TENM4: variants seen among roughly 807,000 people sequenced by gnomAD.
TENM4 encodes teneurin-4.
TENM4 carries 82 observed loss-of-function variants against 243.3 expected under a neutral mutation model. The ratio of observed to expected loss-of-function variants is 0.34; its 90% CI spans 0.28 to 0.40. The LOEUF is 0.40. Ranked by LOEUF, TENM4 falls within the 10% of genes least tolerant of loss-of-function variation. The pLI is 1.00. For missense variants in TENM4, 3,138 were observed against 3,673.3 expected (o/e 0.85, Z 3.77); for synonymous variants, 1,412 against 1,456.3 (o/e 0.97, Z 0.69).
chr11:79,396,137 A>G (rs1386640088), intron 1 of TENM4, among the ~76,000 whole-genome samples: 9 of 152,038 alleles, frequency 5.9e-5, no homozygotes, highest in African/African-American at 2.2e-4. Context: ...CATTTTTAAG[A>G]CTCAGATGAA....
chr11:79,075,981 T>A (rs781576840), intron 4 of TENM4, among the ~76,000 whole-genome samples: 1 of 152,222 alleles, frequency 6.6e-6, no homozygotes, highest in Non-Finnish European at 1.5e-5. Flanking sequence ...CTAGGGACCA[T>A]CACCATCAGT....
At chr11:78,732,717 T>C in intron 20 of TENM4, 140 bp from the exon 21 acceptor site, 6 of 987,698 alleles carry the variant, frequency 6.1e-6, no homozygotes, top group Non-Finnish European at 8.6e-6. Context: ...AATGCCTAAA[T>C]ATTTGACTGC....
intron 4 of TENM4, among the ~76,000 whole-genome samples, chr11:79,102,691 C>T (rs961662339): frequency 6.6e-6 from 1 of 152,218 alleles, no homozygotes; most frequent in African/African-American, 2.4e-5. Context: ...CTCAAGTGAT[C>T]TTTCCAAAGC....
chr11:78,730,367 T>C (rs116032248), intron 21 of TENM4, among the ~76,000 whole-genome samples: 2,342 of 152,232 alleles, frequency 0.015, 79 homozygotes, highest in African/African-American at 0.054. Flanking sequence ...CACTACGAGA[T>C]GTTGACCAAA....
intron 6 of TENM4, among the ~76,000 whole-genome samples, chr11:78,996,550 G>A (rs1858176484): frequency 2.0e-5 from 3 of 152,184 alleles, no homozygotes; most frequent in Admixed American, 2.0e-4. Context: ...AAGCCTTTAA[G>A]TTTTAGGATA....
chr11:78,748,453 G>C (rs887169187), intron 19 of TENM4, among the ~76,000 whole-genome samples: 1 of 152,198 alleles, frequency 6.6e-6, no homozygotes, highest in Non-Finnish European at 1.5e-5. Flanking sequence ...TTTTTATGAT[G>C]TAGTAGAATA....
At chr11:78,919,658 G>A (rs548150268) in intron 6 of TENM4, among the ~76,000 whole-genome samples, 117 of 152,270 alleles carry the variant, frequency 7.7e-4, no homozygotes, top group African/African-American at 2.8e-3. Flanking sequence ...ACAGGGTCAG[G>A]AGGGATTCAT....
In TENM4 at chr11:79,047,540, A is replaced by G. The variant is rs529520439; in HGVS notation, c.493+17198T>C. Among the ~76,000 whole-genome samples the G allele has an allele frequency of 1.2e-3, 189 of 152,288 alleles. 1 individual carries two copies. The highest frequency in any genetic ancestry group is 3.5e-3 in the African/African-American group (147 of 41,532). On this transcript the variant is annotated intron_variant, in intron 6 of 33. Transcript: ENST00000278550. Reference sequence around the variant, plus strand: ...GGACTGGGCTTCTGCGGGCTGTCACAGTCTGTGGTCCTGGAAGTGCTCTGT... The same window carrying G: ...GGACTGGGCTTCTGCGGGCTGTCACGGTCTGTGGTCCTGGAAGTGCTCTGT...
intron 5 of TENM4, among the ~76,000 whole-genome samples, chr11:79,066,735 C>T (rs534321674): frequency 4.0e-5 from 6 of 149,120 alleles, no homozygotes; most frequent in East Asian, 1.9e-4. Flanking sequence ...CACACGCGCA[C>T]GCACATGCAC....
intron 1 of TENM4, among the ~76,000 whole-genome samples, chr11:79,364,799 A>G (rs1048615123): frequency 3.3e-5 from 5 of 152,196 alleles, no homozygotes; most frequent in African/African-American, 1.2e-4. Context: ...GGTCCTGTCT[A>G]CTGTACTAAT....
At chr11:78,996,841 G>T (rs532765640) in intron 6 of TENM4, among the ~76,000 whole-genome samples, 66 of 152,298 alleles carry the variant, frequency 4.3e-4, no homozygotes, top group African/African-American at 1.6e-3. Context: ...AAGAATGGTG[G>T]TCTTGTGGAG....
At chr11:79,258,420 A>G (rs556057762) in intron 2 of TENM4, among the ~76,000 whole-genome samples, 1 of 152,256 alleles carries the variant, frequency 6.6e-6, no homozygotes, top group African/African-American at 2.4e-5. Context: ...ATTCAAACTC[A>G]AGTCTTTGTG....
chr11:78,659,368 T>C (rs966494699), intron 33 of TENM4, among the ~76,000 whole-genome samples: 1 of 152,164 alleles, frequency 6.6e-6, no homozygotes, highest in Admixed American at 6.5e-5. Flanking sequence ...CTCACAGTCA[T>C]ACAACTAATA....
chr11:78,946,191 T>A (rs954174012), intron 6 of TENM4, among the ~76,000 whole-genome samples: 3 of 152,218 alleles, frequency 2.0e-5, no homozygotes, highest in Non-Finnish European at 2.9e-5. Context: ...ATAGGCTGAC[T>A]CTCTTGTCAG....
At chr11:79,385,518 A>G (rs1002206534) in intron 1 of TENM4, among the ~76,000 whole-genome samples, 1 of 152,220 alleles carries the variant, frequency 6.6e-6, no homozygotes, top group Non-Finnish European at 1.5e-5. Context: ...CTATAATCAA[A>G]AATGCAATTA....
intron 6 of TENM4, among the ~76,000 whole-genome samples, chr11:79,018,283 G>T (rs1041085661): frequency 1.3e-5 from 2 of 152,130 alleles, no homozygotes; most frequent in African/African-American, 4.8e-5. Context: ...GCCATGTCCT[G>T]GTTTGAACAA....
chr11:79,267,894 G>T (rs914844074), intron 2 of TENM4, among the ~76,000 whole-genome samples: 1 of 152,124 alleles, frequency 6.6e-6, no homozygotes, highest in Admixed American at 6.5e-5. Context: ...CCTATAAATT[G>T]TTTGAGTTTT....
chr11:78,676,777 T>C (rs1191400446), intron 29 of TENM4, among the ~76,000 whole-genome samples: 2 of 152,234 alleles, frequency 1.3e-5, no homozygotes, highest in Non-Finnish European at 2.9e-5. Context: ...CTTTAAGTTA[T>C]TTAACCAAGC....
intron 2 of TENM4, among the ~76,000 whole-genome samples, chr11:79,261,543 T>A (rs1855797327): frequency 6.6e-6 from 1 of 152,190 alleles, no homozygotes; most frequent in African/African-American, 2.4e-5. Context: ...CCCCACAGTA[T>A]CTTCGGCTCT....
Sources: gnomAD v4.1 joint callset for allele counts (sites outside exome capture counted in the v4.1 genomes callset) on GRCh38, gnomAD v4.1.1 for gene constraint, MANE v1.5 for transcripts, NCBI Gene and HGNC (gene_info 2026-07-23, HGNC 2026-07-21) for gene names.